HIVEP1: variants seen among roughly 807,000 people sequenced by gnomAD.
HIVEP1 encodes the protein HIVEP zinc finger 1.
Under a neutral mutation model 180.0 loss-of-function variants are expected in HIVEP1, and 36 were observed. The ratio of observed to expected loss-of-function variants is 0.20; its 90% confidence interval spans 0.15 to 0.26. The LOEUF is 0.26. Ranked by LOEUF, HIVEP1 falls within the 10% of genes least tolerant of loss-of-function variation. The probability of loss-of-function intolerance (pLI) is 1.00; values close to 1 mark genes in which losing one functional copy is unlikely to be tolerated. For missense variants in HIVEP1, 3,143 were observed against 3,268.7 expected, an observed-to-expected ratio of 0.96 and a Z score of 0.94; for synonymous variants, 1,239 against 1,239.0, an observed-to-expected ratio of 1.00 and a Z score of 0.00.
chr6:12,049,321 C>G (rs1419499597), intron 2 of HIVEP1, among the ~76,000 whole-genome samples: 1 of 152,090 alleles, frequency 6.6e-6, no homozygotes, highest in African/African-American at 2.4e-5. Flanking sequence ...GGGTTCTGAC[C>G]CTCTCTCTTC....
upstream of HIVEP1, among the ~76,000 whole-genome samples, chr6:12,010,435 C>G (rs1232601605): frequency 1.3e-5 from 2 of 152,082 alleles, no homozygotes; most frequent in Non-Finnish European, 2.9e-5. Context: ...GTACGATTTC[C>G]TCAGGGGAAT....
At chr6:12,065,394 G>T (rs569628490) in intron 2 of HIVEP1, among the ~76,000 whole-genome samples, 1 of 152,340 alleles carries the variant, frequency 6.6e-6, no homozygotes, top group South Asian at 2.1e-4. Context: ...CTCCCAGTTA[G>T]TGTCAGGAGA....
At chr6:12,077,107 A>C (rs1561916776) in intron 2 of HIVEP1, among the ~76,000 whole-genome samples, 1 of 152,154 alleles carries the variant, frequency 6.6e-6, no homozygotes, top group East Asian at 1.9e-4. Context: ...TAAGTGAATT[A>C]TCTGAAGCAT....
chr6:12,125,480 G>A lies in HIVEP1; in HGVS notation c.5685G>A (p.Arg1895=), dbSNP rs140294462. Residue 1895 remains arginine, a synonymous_variant, in exon 4 of 9, where the codon AGG becomes AGA. Coordinates refer to ENST00000379388, the MANE Select transcript of HIVEP1 (RefSeq NM_002114.4). ...AATGTACAGACAATAACCAAGAAAG[G>A]AAGTCTCCAGGGGTTAAAAATCAAG... ...PLKCTDNNQE[R]KSPGVKNQGD... The A allele has an allele frequency of 3.8e-5, 61 of 1,614,036 alleles. No homozygotes were observed. In the African/African-American group the frequency reaches 7.2e-4, roughly 19 times the overall value.
At chr6:12,013,446 A>C (rs190421326) in intron 1 of HIVEP1, among the ~76,000 whole-genome samples, 4 of 152,268 alleles carry the variant, frequency 2.6e-5, no homozygotes, top group Admixed American at 2.0e-4. Flanking sequence ...ACTTCCCCCC[A>C]CAAGGATTTA....
the HIVEP1 span, among the ~76,000 whole-genome samples, chr6:12,182,993 T>A: frequency 1.3e-5 from 2 of 152,066 alleles, no homozygotes; most frequent in Non-Finnish European, 2.9e-5. Context: ...AGTGAAGAAG[T>A]AAAAATGATG....
downstream of HIVEP1, among the ~76,000 whole-genome samples, chr6:12,167,979 GTACATGTATATATGTATA>G (rs1760775396): frequency 8.8e-6 from 1 of 113,996 alleles, no homozygotes; most frequent in East Asian, 2.3e-4. Context: ...ATATATACAT[GTACATGTATATATGTATA>G]TATTATATAT....
intron 2 of HIVEP1, among the ~76,000 whole-genome samples, chr6:12,053,984 C>T (rs931535325): frequency 3.3e-5 from 5 of 152,080 alleles, no homozygotes; most frequent in African/African-American, 9.7e-5. Flanking sequence ...TGAGCTACAA[C>T]TTGTTAGTAT....
the HIVEP1 span, among the ~76,000 whole-genome samples, chr6:12,171,326 T>G: frequency 6.6e-6 from 1 of 152,196 alleles, no homozygotes; most frequent in Non-Finnish European, 1.5e-5. Context: ...GTGCTGGGAT[T>G]ACAGGCAGAG....
intron 2 of HIVEP1, chr6:12,038,739 A>T (rs1769471460): frequency 6.6e-6 from 1 of 152,578 alleles, no homozygotes; most frequent in Non-Finnish European, 1.5e-5. Flanking sequence ...CACCACCACC[A>T]CCACCAACAA....
At chr6:12,180,210 C>A in the HIVEP1 span, among the ~76,000 whole-genome samples, 3 of 152,102 alleles carry the variant, frequency 2.0e-5, no homozygotes, top group South Asian at 2.1e-4. Flanking sequence ...TTGCCTGAGG[C>A]CCCGGAAAAT....
chr6:12,181,098 C>T, the HIVEP1 span, among the ~76,000 whole-genome samples: 3 of 152,088 alleles, frequency 2.0e-5, no homozygotes, highest in Admixed American at 1.3e-4. Flanking sequence ...CTGTGGCTCA[C>T]GCCTGTAATC....
In HIVEP1 at chr6:12,153,301, G is replaced by A. The variant is rs1759814437; in HGVS notation, c.6488-8138G>A. Among the ~76,000 whole-genome samples, 3 of 152,114 alleles carry A rather than the reference G, an allele frequency of 2.0e-5. No individual in the cohort carries two copies. In the South Asian group the frequency reaches 6.2e-4, roughly 32 times the overall value. On this transcript the variant is annotated intron_variant, in intron 7 of 8. Coordinates refer to ENST00000379388, the MANE Select transcript of HIVEP1 (RefSeq NM_002114.4). ...AGATTTTTAAAATATGATTGAATGT[G>A]GAATATCTAGGCATAGACTAACATG...
intron 7 of HIVEP1, among the ~76,000 whole-genome samples, chr6:12,139,448 C>CAGAT (rs1758881713): frequency 2.6e-5 from 4 of 152,212 alleles, no homozygotes; most frequent in Admixed American, 6.5e-5. Context: ...TTCTGCATTT[C>CAGAT]CAACTGAGGT....
At chr6:12,178,290 C>G in the HIVEP1 span, among the ~76,000 whole-genome samples, 2 of 152,200 alleles carry the variant, frequency 1.3e-5, no homozygotes, top group Admixed American at 6.5e-5. Flanking sequence ...GGAAAATGTT[C>G]AAACTGTGAG....
Position 12,121,874 on chromosome 6 carries a change from CAGA to C in HIVEP1, c.2082_2084del (p.Arg695del). On this transcript the variant is annotated inframe_deletion, in exon 4 of 9. Coordinates refer to ENST00000379388, the MANE Select transcript of HIVEP1 (RefSeq NM_002114.4). This position sits in a 1 kb window ranked among gnomAD's most constrained non-coding sequence, Gnocchi z 5.3. ...CAGTGAGTCCACCAACTCCCTTTGC[CAGA>C]AGGTTACCCAGCACAGAACAAGACT... 3 of 1,614,180 alleles carry C rather than the reference CAGA, an allele frequency of 1.9e-6. No homozygotes were observed. The highest frequency in any genetic ancestry group is 1.7e-5 in the Admixed American group (1 of 60,030).
intron 2 of HIVEP1, among the ~76,000 whole-genome samples, chr6:12,016,706 A>G (rs746423974): frequency 2.0e-5 from 3 of 152,218 alleles, no homozygotes; most frequent in Non-Finnish European, 2.9e-5. Context: ...CCAGTGTTCA[A>G]TGAGGTGGAG....
At chr6:12,058,329 G>A (rs114116626) in intron 2 of HIVEP1, among the ~76,000 whole-genome samples, 3,882 of 152,262 alleles carry the variant, frequency 0.025, 171 homozygotes, top group African/African-American at 0.088. Flanking sequence ...CCAGTCATGT[G>A]TTTAGAGAAA....
intron 4 of HIVEP1, among the ~76,000 whole-genome samples, chr6:12,129,126 C>G (rs959549352): frequency 6.6e-6 from 1 of 152,166 alleles, no homozygotes; most frequent in African/African-American, 2.4e-5. Context: ...GGGAGGACCT[C>G]TTGAGCCCAG....
Sources: allele counts gnomAD v4.1 joint callset (sites outside exome capture counted in the v4.1 genomes callset), GRCh38; gene constraint gnomAD v4.1.1; non-coding constraint Gnocchi (gnomAD v3.1); transcripts MANE v1.5; gene names NCBI Gene and HGNC (gene_info 2026-07-23, HGNC 2026-07-21).